HIVEP3: variants seen among roughly 807,000 people sequenced by gnomAD.
HIVEP3 encodes HIVEP zinc finger 3.
HIVEP3 carries 49 observed loss-of-function variants against 152.8 expected under a neutral mutation model. The observed-to-expected ratio is 0.32, with a 90% CI of 0.26 to 0.41. The LOEUF is 0.41. HIVEP3 is among the 10% of genes least tolerant of loss of function. HIVEP3 has a pLI of 1.00. For synonymous variants in HIVEP3, 1,269 were observed against 1,289.0 expected, an observed-to-expected ratio of 0.98 and a Z score of 0.33; for missense variants, 2,790 against 3,103.3, an observed-to-expected ratio of 0.90 and a Z score of 2.40.
At chr1:42,030,572 A>T (rs1024189707) in intron 1 of HIVEP3, among the ~76,000 whole-genome samples, 3 of 91,836 alleles carry the variant, frequency 3.3e-5, no homozygotes, top group African/African-American at 6.9e-5. Flanking sequence ...CACCAAGAAG[A>T]GCTGAGCTCC....
At chr1:41,616,843 A>G (rs1644976666) in intron 3 of HIVEP3, among the ~76,000 whole-genome samples, 2 of 152,196 alleles carry the variant, frequency 1.3e-5, no homozygotes, top group African/African-American at 4.8e-5. Flanking sequence ...CTACAGGCCA[A>G]TAGGTTGTGA....
upstream of HIVEP3, among the ~76,000 whole-genome samples, chr1:41,922,664 C>T (rs558472913): frequency 2.6e-4 from 39 of 152,210 alleles, 1 homozygote; most frequent in South Asian, 3.7e-3. Context: ...AGTATAAGTA[C>T]ATTTATTCCA....
intron 1 of HIVEP3, among the ~76,000 whole-genome samples, chr1:41,772,787 A>G (rs406097): frequency 0.62 from 93,837 of 152,066 alleles, 29,883 homozygotes; most frequent in African/African-American, 0.78. Context: ...GCAGGTGCCT[A>G]TAATCCCAGC....
At chr1:41,945,869 T>C (rs1341828955) in intron 1 of HIVEP3, among the ~76,000 whole-genome samples, 4 of 152,114 alleles carry the variant, frequency 2.6e-5, no homozygotes, top group Non-Finnish European at 4.4e-5. Context: ...CCAACTAATC[T>C]TAAAGGATAA....
At chr1:41,644,815 G>A (rs902865955) in intron 2 of HIVEP3, among the ~76,000 whole-genome samples, 47 of 147,528 alleles carry the variant, frequency 3.2e-4, no homozygotes, top group African/African-American at 1.1e-3. Context: ...CAGCAAGCAA[G>A]AGGGAGAAGA....
chr1:41,895,598 ATTAC>A (rs1644514943), intron 1 of HIVEP3, among the ~76,000 whole-genome samples: 1 of 152,190 alleles, frequency 6.6e-6, no homozygotes, highest in African/African-American at 2.4e-5. Flanking sequence ...CTTTTTTGAA[ATTAC>A]TTAAAGATTG....
chr1:41,723,312 C>T (rs752353427), intron 1 of HIVEP3, among the ~76,000 whole-genome samples: 7 of 152,042 alleles, frequency 4.6e-5, no homozygotes, highest in Non-Finnish European at 7.4e-5. Flanking sequence ...TCATCCCTTC[C>T]ATGGGGCCCC....
At chr1:41,795,068 T>C (rs1649910995) in intron 1 of HIVEP3, among the ~76,000 whole-genome samples, 1 of 152,206 alleles carries the variant, frequency 6.6e-6, no homozygotes, top group Non-Finnish European at 1.5e-5. Context: ...AACTAAGAAA[T>C]TAACACTGGT....
At chr1:41,755,144 T>C (rs1200216738) in intron 1 of HIVEP3, among the ~76,000 whole-genome samples, 1 of 152,162 alleles carries the variant, frequency 6.6e-6, no homozygotes, top group African/African-American at 2.4e-5. Flanking sequence ...CCAGAAATAG[T>C]TCCACATGGC....
chr1:41,866,330 A>G (rs546568892), intron 1 of HIVEP3, among the ~76,000 whole-genome samples: 69 of 152,364 alleles, frequency 4.5e-4, no homozygotes, highest in African/African-American at 1.3e-3. Context: ...CTGCTGCATT[A>G]GCAACCTTCA....
At chr1:41,763,299 C>T (rs973401070) in intron 1 of HIVEP3, among the ~76,000 whole-genome samples, 4 of 152,202 alleles carry the variant, frequency 2.6e-5, no homozygotes, top group African/African-American at 9.7e-5. Flanking sequence ...GCCTGGAATC[C>T]TGGGGCAAGC....
At chr1:41,782,893 G>A (rs144997599) in intron 1 of HIVEP3, among the ~76,000 whole-genome samples, 4 of 152,164 alleles carry the variant, frequency 2.6e-5, no homozygotes, top group Non-Finnish European at 4.4e-5. Context: ...AGGTCAGAAC[G>A]GAGGAGCCTG....
At chr1:41,986,546 C>A (rs948229703) in intron 1 of HIVEP3, among the ~76,000 whole-genome samples, 15 of 151,538 alleles carry the variant, frequency 9.9e-5, no homozygotes, top group Non-Finnish European at 2.1e-4. Context: ...GTTCCCACCA[C>A]TCTCCTGCCT....
chr1:41,971,551 T>C (rs1645229474), intron 1 of HIVEP3, among the ~76,000 whole-genome samples: 1 of 152,154 alleles, frequency 6.6e-6, no homozygotes, highest in Non-Finnish European at 1.5e-5. Context: ...CAAAGCTGTG[T>C]CTGATGACAG....
intron 1 of HIVEP3, among the ~76,000 whole-genome samples, chr1:41,715,427 A>G (rs773883973): frequency 2.6e-5 from 4 of 152,170 alleles, no homozygotes; most frequent in Admixed American, 6.5e-5. Flanking sequence ...GACCCACGGC[A>G]AGCCTGGGGA....
intron 1 of HIVEP3, among the ~76,000 whole-genome samples, chr1:41,763,869 T>C (rs1647844672): frequency 6.6e-6 from 1 of 152,224 alleles, no homozygotes; most frequent in African/African-American, 2.4e-5. Flanking sequence ...TAATTGCTAC[T>C]AACTAAAGTG....
chr1:41,644,342 C>T (rs1318180136), intron 2 of HIVEP3, among the ~76,000 whole-genome samples: 4 of 152,028 alleles, frequency 2.6e-5, no homozygotes, highest in African/African-American at 7.3e-5. Context: ...CTGACCACAC[C>T]CCTACCATTA....
At chr1:41,890,158 C>T (rs748802273) in intron 1 of HIVEP3, among the ~76,000 whole-genome samples, 7 of 152,164 alleles carry the variant, frequency 4.6e-5, no homozygotes, top group Non-Finnish European at 1.0e-4. Flanking sequence ...TCATGGGTTG[C>T]TGTGTGGTTT....
In HIVEP3 at chr1:41,510,315, TA is replaced by T; in HGVS notation, c.*135del. Reference sequence around the variant, plus strand: ...ACAGGTAACTGCATACATGGGAAGGTACAACAGATGGGGCCGTGAGAGCTCC... The same window carrying T: ...ACAGGTAACTGCATACATGGGAAGGTCAACAGATGGGGCCGTGAGAGCTCC... On this transcript the variant is annotated 3_prime_UTR_variant, in exon 9 of 9. Coordinates refer to ENST00000372583, the MANE Select transcript of HIVEP3 (RefSeq NM_024503.5). The T allele has an allele frequency of 1.5e-6, 1 of 652,998 alleles. No individual in the cohort carries two copies. Among genetic ancestry groups the T allele is most frequent in the Non-Finnish European group, 2.3e-6 (1 of 428,126 alleles). The allele number at this position is 652,998 out of a possible 1,614,324, so 40.5% of individuals were successfully genotyped here. A position where few individuals can be genotyped will look rare whatever the true frequency, so the allele number is the denominator to read the frequency against.
Sources: allele counts gnomAD v4.1 joint callset (sites outside exome capture counted in the v4.1 genomes callset), GRCh38; gene constraint gnomAD v4.1.1; transcripts MANE v1.5; gene names NCBI Gene and HGNC (gene_info 2026-07-23, HGNC 2026-07-21).